Variants in CHL1 observed in about 807,000 individuals in gnomAD.
CHL1 encodes the protein neural cell adhesion molecule L1-like protein.
In CHL1, 96 loss-of-function variants were observed where a neutral mutation model predicts 141.9. The observed-to-expected ratio is 0.68, with a 90% CI of 0.57 to 0.80. The LOEUF is 0.80. CHL1 is among the 30% of genes least tolerant of loss of function. The pLI is 0.00. For synonymous variants in CHL1, 613 were observed against 502.2 expected, an observed-to-expected ratio of 1.22 and a Z score of -2.95; for missense variants, 1,820 against 1,457.2, an observed-to-expected ratio of 1.25 and a Z score of -4.05.
At chr3:405,377 C>T in intron 27 of CHL1, 118 bp from the exon 28 acceptor site, 1 of 672,350 alleles carries the variant, frequency 1.5e-6, no homozygotes, top group Non-Finnish European at 2.5e-6. Context: ...TATCTGTCTT[C>T]AATGCTAACA....
intron 15 of CHL1, among the ~76,000 whole-genome samples, chr3:368,502 C>G (rs1215474338): frequency 6.6e-6 from 1 of 152,080 alleles, no homozygotes; most frequent in African/African-American, 2.4e-5. Context: ...AGACCTTTGT[C>G]AGATGGGTAG....
intron 2 of CHL1, among the ~76,000 whole-genome samples, chr3:267,813 G>T (rs1695285478): frequency 6.6e-6 from 1 of 152,146 alleles, no homozygotes; most frequent in Non-Finnish European, 1.5e-5. Flanking sequence ...TAAGAAAATA[G>T]ATTTAAAATG....
chr3:309,249 G>A (rs1057377130), intron 2 of CHL1: 7 of 152,726 alleles, frequency 4.6e-5, no homozygotes, highest in Admixed American at 3.9e-4. Context: ...TCAGACTCCC[G>A]CTTCTTGTGG....
intron 1 of CHL1, among the ~76,000 whole-genome samples, chr3:210,318 T>C (rs1439540208): frequency 6.6e-6 from 1 of 152,244 alleles, no homozygotes; most frequent in African/African-American, 2.4e-5. Flanking sequence ...TCATGAATTG[T>C]AGGTGAGGAA....
intron 1 of CHL1, among the ~76,000 whole-genome samples, chr3:223,445 C>T (rs373270199): frequency 3.3e-5 from 5 of 152,190 alleles, no homozygotes; most frequent in Admixed American, 2.6e-4. Flanking sequence ...AGTTTTGGCA[C>T]GTTGTCAGAA....
chr3:299,688 C>G (rs1223598434), intron 2 of CHL1, among the ~76,000 whole-genome samples: 1 of 152,154 alleles, frequency 6.6e-6, no homozygotes, highest in Non-Finnish European at 1.5e-5. Flanking sequence ...GCAAACCCAT[C>G]CCTCTCCATG....
intron 2 of CHL1, among the ~76,000 whole-genome samples, chr3:292,906 A>G (rs1305674283): frequency 2.0e-5 from 3 of 152,172 alleles, no homozygotes; most frequent in African/African-American, 7.2e-5. Flanking sequence ...ACCAGGCACC[A>G]CCTCCAAAAT....
intron 1 of CHL1, chr3:197,690 T>C (rs1559254558): frequency 4.8e-6 from 2 of 413,186 alleles, no homozygotes; most frequent in Middle Eastern, 3.5e-4. Context: ...CGTGGGGTTG[T>C]GGGGTTGGGG....
chr3:397,475 G>A (rs1708773091), intron 24 of CHL1, among the ~76,000 whole-genome samples: 1 of 151,916 alleles, frequency 6.6e-6, no homozygotes, highest in African/African-American at 2.4e-5. Flanking sequence ...AACATTTTCT[G>A]GGTTATGTTT....
intron 13 of CHL1, among the ~76,000 whole-genome samples, chr3:362,590 G>A (rs1359757579): frequency 6.6e-6 from 1 of 151,230 alleles, no homozygotes; most frequent in Non-Finnish European, 1.5e-5. Context: ...TGTCCTGTAT[G>A]ATCCTACATG....
intron 1 of CHL1, among the ~76,000 whole-genome samples, chr3:228,839 T>G (rs566581829): frequency 6.6e-6 from 1 of 152,298 alleles, no homozygotes; most frequent in African/African-American, 2.4e-5. Context: ...TTCCTAATGG[T>G]TGATTTAATG....
At chr3:323,882 G>T (rs1490625142) in intron 3 of CHL1, among the ~76,000 whole-genome samples, 1 of 152,036 alleles carries the variant, frequency 6.6e-6, no homozygotes. Context: ...TAAGAAAAAA[G>T]CAATTACAGA....
chr3:402,230 C>G (rs939808811), intron 27 of CHL1, among the ~76,000 whole-genome samples: 10 of 152,128 alleles, frequency 6.6e-5, no homozygotes, highest in Admixed American at 2.0e-4. Flanking sequence ...AAAGAATCAT[C>G]CATAAGAGAT....
intron 1 of CHL1, among the ~76,000 whole-genome samples, chr3:243,279 C>G (rs1009730492): frequency 6.6e-6 from 1 of 152,116 alleles, no homozygotes; most frequent in Non-Finnish European, 1.5e-5. Flanking sequence ...AACATGGGAG[C>G]CAGGTTCTGT....
At chr3:248,214 T>G (rs1262141686) in intron 2 of CHL1, 3 of 152,068 alleles carry the variant, frequency 2.0e-5, no homozygotes, top group Non-Finnish European at 4.4e-5. Flanking sequence ...TTGAAGTTGC[T>G]TTTACTCAAA....
chr3:394,988 T>C (rs1708551718), intron 24 of CHL1, 116 bp downstream of exon 24: 15 of 864,476 alleles, frequency 1.7e-5, no homozygotes, highest in Non-Finnish European at 2.6e-5. Context: ...GAAATGATTG[T>C]GATCCCACTC....
chr3:354,821 G>A (rs1251920122), intron 11 of CHL1, 50 bp downstream of exon 11: 5 of 1,604,360 alleles, frequency 3.1e-6, no homozygotes, highest in African/African-American at 2.7e-5. Context: ...CTGGTTTGAC[G>A]GGATTAATGA....
chr3:197,928 A>G (rs530024371), intron 1 of CHL1: 2 of 387,486 alleles, frequency 5.2e-6, no homozygotes, highest in South Asian at 1.8e-5. Flanking sequence ...GGAGAAAGTG[A>G]TTAATTTGGG....
intron 1 of CHL1, among the ~76,000 whole-genome samples, chr3:224,462 G>A (rs919970658): frequency 6.6e-6 from 1 of 152,078 alleles, no homozygotes; most frequent in East Asian, 1.9e-4. Context: ...GTATGGCCTG[G>A]TGCTGTCCTC....
Sources: allele counts gnomAD v4.1 joint callset (sites outside exome capture counted in the v4.1 genomes callset), GRCh38; gene constraint gnomAD v4.1.1; transcripts MANE v1.5; gene names NCBI Gene and HGNC (gene_info 2026-07-23, HGNC 2026-07-21).